Variants in LPCAT4 observed in about 807,000 individuals in gnomAD.
LPCAT4 encodes lysophosphatidylcholine acyltransferase 4.
In LPCAT4, 30 loss-of-function variants were observed where a neutral mutation model predicts 66.5. That is an observed-to-expected ratio of 0.45 (90% CI 0.34 to 0.61). The LOEUF (loss-of-function observed/expected upper bound fraction) is 0.61, where lower values mean the gene tolerates loss of function less well. Among genes scored for constraint, LPCAT4 ranks in the 20% least tolerant of loss-of-function variants. The pLI is 0.01. For missense variants in LPCAT4, 557 were observed against 656.7 expected, an observed-to-expected ratio of 0.85 and a Z score of 1.66; for synonymous variants, 253 against 262.1, an observed-to-expected ratio of 0.97 and a Z score of 0.34.
At chr15:34,364,426 CT>C (rs10718217) in intron 3 of LPCAT4, 120 bp from the exon 4 acceptor site, 295,573 of 579,954 alleles carry the variant, frequency 0.51, 73,852 homozygotes, top group Admixed American at 0.58. Context: ...TTTTTTTTTT[CT>C]GTTGTTGTTG....
chr15:34,365,010 C>T lies in LPCAT4; in HGVS notation c.476G>A (p.Gly159Glu). 1 of 1,607,978 alleles carries T rather than the reference C, an allele frequency of 6.2e-7. No individual in the cohort carries two copies. Among genetic ancestry groups the T allele is most frequent in the Non-Finnish European group, 8.5e-7 (1 of 1,174,984 alleles). The change falls in exon 3 of 14, where the codon GGA (glycine) becomes GAA (glutamate). Residue 159 changes from glycine (G) to glutamate (E), a missense_variant and splice_region_variant. Transcript: ENST00000314891. ...RAENLSVPVIGALLRFNQAIL... is the reference protein window; with the variant it reads ...RAENLSVPVIEALLRFNQAIL... ...TCACCCCCTTTGAACTCTCTCACCT[C>T]CAATGACAGGAACGGAAAGGTTCTC...
chr15:34,367,137 G>A lies in LPCAT4; in HGVS notation c.-37C>T, dbSNP rs1306004231. ...GTGGGAGGGAGGGCACCCCGGCCCT[G>A]GCCCCGGCCACCACTCTGCAGAGCA... On this transcript the variant is annotated 5_prime_UTR_variant, in exon 1 of 14. Transcript: ENST00000314891. 6.7e-7 allele frequency: 1 copy of A among 1,498,964 alleles called. No homozygotes were observed. The highest frequency in any genetic ancestry group is 8.9e-7 in the Non-Finnish European group (1 of 1,122,070). 92.9% of individuals were successfully genotyped at this position (1,498,964 alleles called of 1,614,324 possible).
chr15:34,365,424 C>A, intron 2 of LPCAT4, 135 bp downstream of exon 2: 1 of 1,317,746 alleles, frequency 7.6e-7, no homozygotes. Flanking sequence ...CACGTCTGAG[C>A]TTGGCTGACT....
intron 7 of LPCAT4, 112 bp from the exon 8 acceptor site, chr15:34,362,948 C>T: frequency 9.6e-7 from 1 of 1,042,212 alleles, no homozygotes; most frequent in East Asian, 2.6e-5. Context: ...AAAAGTTCTG[C>T]CCATTGATAA....
In LPCAT4 at chr15:34,365,032, T is replaced by C; in HGVS notation, c.454A>G (p.Asn152Asp). 1 of 1,612,362 alleles carries C rather than the reference T, an allele frequency of 6.2e-7. No individual in the cohort carries two copies. The highest frequency in any genetic ancestry group is 8.5e-7 in the Non-Finnish European group (1 of 1,178,474). The change falls in exon 3 of 14, where the codon AAC becomes GAC. Residue 152 changes from asparagine to aspartate, a missense_variant. By Grantham distance (23) the Asn-to-Asp change is conservative. This residue lies in a region of LPCAT4 where 392 missense variants were observed against 473.9 expected (regional missense o/e 0.83). Coordinates refer to ENST00000314891, the MANE Select transcript of LPCAT4 (RefSeq NM_153613.3). ...CCTCCAATGACAGGAACGGAAAGGT[T>C]CTCAGCTCGGGACACAACTTTGGGC... ...DLPKVVSRAE[N>D]LSVPVIGALL...
At chr15:34,361,683 A>C in intron 10 of LPCAT4, 151 bp from the exon 11 acceptor site, 1 of 891,670 alleles carries the variant, frequency 1.1e-6, no homozygotes, top group East Asian at 2.7e-5. Context: ...CCTTGAGAGC[A>C]CTTCTTACTT....
At position 34,358,785 on chromosome 15, in the gene LPCAT4, G is replaced by A. The variant is rs7162607; in HGVS notation, c.*342C>T. Reference sequence around the variant, plus strand: ...TTCTGTGCAGGAAAGAGCCCTGTCCGAAGAGGAAGATTCATCCAGCTATGG... The same window carrying A: ...TTCTGTGCAGGAAAGAGCCCTGTCCAAAGAGGAAGATTCATCCAGCTATGG... On this transcript the variant is annotated 3_prime_UTR_variant, in exon 14 of 14. Transcript: ENST00000314891. The A allele has an allele frequency of 0.49, 75,769 of 154,470 alleles. 18,832 individuals are homozygous for A. Among genetic ancestry groups the A allele is most frequent in the African/African-American group, 0.57 (23,823 of 41,488 alleles). 9.6% of individuals were successfully genotyped at this position (154,470 alleles called of 1,614,324 possible).
chr15:34,363,403 C>T lies in LPCAT4; in HGVS notation c.746+19G>A, dbSNP rs1890996145. The stretch of plus-strand genomic sequence containing the variant: ...GGACCCTGCTCCCCACCCTCACCCC[C>T]AGGAATACCAGAACTCACACTCCAG... On this transcript the variant is annotated intron_variant, in intron 7 of 13. Coordinates refer to ENST00000314891, the MANE Select transcript of LPCAT4 (RefSeq NM_153613.3). The surrounding 1 kb of genome is among the most constrained non-coding windows in gnomAD (Gnocchi z 4.3). The T allele has an allele frequency of 1.2e-6, 2 of 1,613,070 alleles. No individual in the cohort carries two copies. The highest frequency in any genetic ancestry group is 8.5e-7 in the Non-Finnish European group (1 of 1,179,566).
chr15:34,359,250 G>A lies in LPCAT4; in HGVS notation c.1452C>T (p.Ser484=), dbSNP rs772057186. 12 of 1,563,688 alleles carry A rather than the reference G, an allele frequency of 7.7e-6. No homozygotes were observed. The South Asian group carries it at 1.3e-4, about 17-fold the overall frequency. The change falls in exon 14 of 14, where the codon AGC becomes AGT. Residue 484 remains serine (S), a synonymous_variant. Transcript: ENST00000314891. The stretch of plus-strand genomic sequence containing the variant: ...AGGTGTGTGGGGGGCGCAGGTAGGT[G>A]CTGAAGAGTTTCCCATAGAGTGGGT... ...LHDPLYGKLF[S]TYLRPPHTSR...
At chr15:34,366,889 CCTT>C (rs977611466) in intron 1 of LPCAT4, 95 bp downstream of exon 1, 1 of 1,505,478 alleles carries the variant, frequency 6.6e-7, no homozygotes, top group Non-Finnish European at 9.0e-7. Context: ...TCAGCCATCT[CCTT>C]CTCGTGGATC....
chr15:34,361,390 G>C lies in LPCAT4; in HGVS notation c.1143+10C>G, dbSNP rs1431008191. The C allele has an allele frequency of 9.9e-6, 16 of 1,613,982 alleles. No homozygotes were observed. In the East Asian group the frequency reaches 3.3e-4, roughly 34 times the overall value. On this transcript the variant is annotated intron_variant, in intron 11 of 13. Coordinates refer to ENST00000314891, the MANE Select transcript of LPCAT4 (RefSeq NM_153613.3). The stretch of plus-strand genomic sequence containing the variant: ...GGGTTCTGCTCTGCTCTTTGTTCCA[G>C]CTCCTTTACCTGCTGGAAGTAGCCA...
At position 34,359,090 on chromosome 15, in the gene LPCAT4, G is replaced by A. The variant is rs774230954; in HGVS notation, c.*37C>T. 1.3e-5 allele frequency: 21 copies of A among 1,568,456 alleles called. No individual in the cohort carries two copies. Among genetic ancestry groups the A allele is most frequent in the African/African-American group, 6.8e-5 (5 of 74,010 alleles). ...CTGAGGCATAGGGGAGGCCCCTAGC[G>A]CTGCCCTGAGGAGGAGGGGGTGAGA... On this transcript the variant is annotated 3_prime_UTR_variant, in exon 14 of 14. Coordinates refer to ENST00000314891, the MANE Select transcript of LPCAT4 (RefSeq NM_153613.3).
intron 11 of LPCAT4, 100 bp from the exon 12 acceptor site, chr15:34,360,309 G>A: frequency 1.2e-6 from 1 of 867,540 alleles, no homozygotes; most frequent in Non-Finnish European, 1.9e-6. Flanking sequence ...TAATGGGGGT[G>A]ATCCCTGTGA....
In LPCAT4 at chr15:34,359,198, C is replaced by A. The variant is rs1383998365; in HGVS notation, c.1504G>T (p.Ala502Ser). ...GCAGTGGGGTTGCCTGGGGATGAGGCATTTGGTGTCTGGGAGGTGCCTCGA... is the reference window on the plus strand; with the variant it reads ...GCAGTGGGGTTGCCTGGGGATGAGGAATTTGGTGTCTGGGAGGTGCCTCGA... ...TSRGTSQTPN[A>S]SSPGNPTALA... Residue 502 changes from alanine to serine, a missense_variant, in exon 14 of 14, where the codon GCC becomes TCC. Around this residue, in one of 4 missense-constraint regions of LPCAT4, gnomAD observed 392 missense variants for 473.9 expected, o/e 0.83. Coordinates refer to ENST00000314891, the MANE Select transcript of LPCAT4 (RefSeq NM_153613.3). 6.2e-7 allele frequency: 1 copy of A among 1,603,706 alleles called. No individual in the cohort carries two copies. The highest frequency in any genetic ancestry group is 1.3e-5 in the African/African-American group (1 of 74,768).
At position 34,359,096 on chromosome 15, in the gene LPCAT4, C is replaced by T. The variant is rs562925405; in HGVS notation, c.*31G>A. ...CATAGGGGAGGCCCCTAGCGCTGCC[C>T]TGAGGAGGAGGGGGTGAGAGGCTGA... On this transcript the variant is annotated 3_prime_UTR_variant, in exon 14 of 14. Coordinates refer to ENST00000314891, the MANE Select transcript of LPCAT4 (RefSeq NM_153613.3). 2.5e-6 allele frequency: 4 copies of T among 1,583,592 alleles called. No homozygotes were observed. The highest frequency in any genetic ancestry group is 4.6e-5 in the East Asian group (2 of 43,786).
chr15:34,362,119 C>T, intron 10 of LPCAT4, 77 bp downstream of exon 10: 6 of 1,528,464 alleles, frequency 3.9e-6, no homozygotes, highest in South Asian at 1.2e-5. Context: ...CTTCTTCCTT[C>T]TCATTTCTCC....
In LPCAT4 at chr15:34,359,804, C is replaced by T. The variant is rs542263739; in HGVS notation, c.1243-59G>A. 2.6e-5 allele frequency: 39 copies of T among 1,522,918 alleles called. 3 individuals carry two copies. In the South Asian group the frequency reaches 4.7e-4, roughly 18 times the overall value. The allele number at this position is 1,522,918 out of a possible 1,614,324, so 94.3% of individuals were successfully genotyped here. On this transcript the variant is annotated intron_variant, in intron 12 of 13. Transcript: ENST00000314891. Reference sequence around the variant, plus strand: ...TCCTCATGCCATGGCCTCACCCTGCCCCACAGACTGGCCTGACAGGCTCCT... The same window carrying T: ...TCCTCATGCCATGGCCTCACCCTGCTCCACAGACTGGCCTGACAGGCTCCT...
At chr15:34,365,527 G>A (rs1342852019) in intron 2 of LPCAT4, 32 bp downstream of exon 2, 1 of 1,613,838 alleles carries the variant, frequency 6.2e-7, no homozygotes, top group Admixed American at 1.7e-5. Context: ...GGGAAGAGAA[G>A]TAGGGTCTCT....
At chr15:34,360,894 A>C (rs1308866106) in intron 11 of LPCAT4, 2 of 154,190 alleles carry the variant, frequency 1.3e-5, no homozygotes, top group African/African-American at 2.4e-5. Flanking sequence ...GAACTTGGTT[A>C]AATCTTGAGA....
Sources: allele counts gnomAD v4.1 joint callset, GRCh38; gene constraint gnomAD v4.1.1; regional missense constraint gnomAD v4.1.1; non-coding constraint Gnocchi (gnomAD v3.1); transcripts MANE v1.5; gene names NCBI Gene and HGNC (gene_info 2026-07-23, HGNC 2026-07-21).